The following GUCY2C variants were observed in gnomAD, a reference collection of about 807,000 sequenced individuals.
GUCY2C encodes guanylyl cyclase C.
GUCY2C carries 118 observed loss-of-function variants against 131.1 expected under a neutral mutation model. The observed-to-expected ratio is 0.90, with a 90% CI of 0.78 to 1.05. The LOEUF (loss-of-function observed/expected upper bound fraction) is 1.05. Ranked by LOEUF, GUCY2C falls within the 50% of genes least tolerant of loss-of-function variation. The probability of loss-of-function intolerance (pLI) is 0.00; values close to 1 mark genes in which losing one functional copy is unlikely to be tolerated. For missense variants in GUCY2C, 1,161 were observed against 1,304.4 expected (o/e 0.89, Z 1.69); for synonymous variants, 452 against 457.8 (o/e 0.99, Z 0.16).
At chr12:14,662,372 TG>T (rs1054270007) in intron 10 of GUCY2C, among the ~76,000 whole-genome samples, 2 of 151,900 alleles carry the variant, frequency 1.3e-5, no homozygotes, top group African/African-American at 4.8e-5. Context: ...AGGGAGACAT[TG>T]GGGCTATATA....
intron 5 of GUCY2C, among the ~76,000 whole-genome samples, chr12:14,680,956 A>G (rs574036000): frequency 3.3e-5 from 5 of 152,276 alleles, no homozygotes; most frequent in African/African-American, 9.6e-5. Context: ...CAATAAATTC[A>G]TCCTCTTGGT....
chr12:14,690,718 GT>G (rs1388656799), intron 1 of GUCY2C, among the ~76,000 whole-genome samples: 2 of 151,888 alleles, frequency 1.3e-5, no homozygotes, highest in Non-Finnish European at 2.9e-5. Context: ...ATTTTTTGTA[GT>G]TTTAGTAGAG....
At chr12:14,688,814 G>A (rs1251540863) in intron 1 of GUCY2C, among the ~76,000 whole-genome samples, 1 of 152,200 alleles carries the variant, frequency 6.6e-6, no homozygotes, top group Non-Finnish European at 1.5e-5. Flanking sequence ...TCTGGTCAGA[G>A]GGAACAGCAA....
At chr12:14,652,083 T>C in intron 13 of GUCY2C, 53 bp from the exon 14 acceptor site, 3 of 972,076 alleles carry the variant, frequency 3.1e-6, no homozygotes, top group East Asian at 2.4e-5. Context: ...ACTCTTTACA[T>C]GCATATTATA....
At chr12:14,694,029 A>G (rs1592153752) in intron 1 of GUCY2C, among the ~76,000 whole-genome samples, 1 of 152,348 alleles carries the variant, frequency 6.6e-6, no homozygotes, top group East Asian at 1.9e-4. Flanking sequence ...AGTTCTTACT[A>G]TGTTTCAGTC....
chr12:14,658,311 T>C (rs769533192), intron 11 of GUCY2C, among the ~76,000 whole-genome samples: 7 of 152,220 alleles, frequency 4.6e-5, no homozygotes, highest in Non-Finnish European at 8.8e-5. Flanking sequence ...ATCGTCATAT[T>C]TATGTATTTT....
intron 1 of GUCY2C, among the ~76,000 whole-genome samples, chr12:14,694,681 T>G (rs918435781): frequency 6.6e-6 from 1 of 152,220 alleles, no homozygotes; most frequent in Non-Finnish European, 1.5e-5. Flanking sequence ...TATGTGTGAA[T>G]CTAGTTTCAG....
At chr12:14,625,943 T>G in intron 20 of GUCY2C, 28 bp from the exon 21 acceptor site, 1 of 1,318,196 alleles carries the variant, frequency 7.6e-7, no homozygotes, top group South Asian at 1.2e-5. Context: ...TAAAGAGCTC[T>G]TATATATTAT....
intron 12 of GUCY2C, among the ~76,000 whole-genome samples, chr12:14,654,572 AC>A (rs1348146422): frequency 6.6e-6 from 1 of 152,186 alleles, no homozygotes; most frequent in African/African-American, 2.4e-5. Flanking sequence ...ACTAATCTGT[AC>A]TCATAAAAAT....
At chr12:14,628,871 A>G in intron 19 of GUCY2C, 134 bp from the exon 20 acceptor site, 1 of 625,096 alleles carries the variant, frequency 1.6e-6, no homozygotes, top group Admixed American at 2.7e-5. Context: ...TGCGGACAAG[A>G]GATCCCCAGC....
chr12:14,677,052 T>G, intron 6 of GUCY2C, 81 bp from the exon 7 acceptor site: 1 of 462,808 alleles, frequency 2.2e-6, no homozygotes, highest in Non-Finnish European at 4.0e-6. Flanking sequence ...AACTATACCA[T>G]CATCATTGAA....
In GUCY2C at chr12:14,660,969, AGGC is replaced by A; in HGVS notation, c.1364+9_1364+11del. On this transcript the variant is annotated intron_variant, in intron 11 of 26. Coordinates refer to ENST00000261170, the MANE Select transcript of GUCY2C (RefSeq NM_004963.4). The stretch of plus-strand genomic sequence containing the variant: ...TGGATACCGAACACAGGCATGATAG[AGGC>A]GGCTGTACCTGAGCATCAGGAGAGC... 1.3e-6 allele frequency: 2 copies of A among 1,581,214 alleles called. No individual in the cohort carries two copies. Among genetic ancestry groups the A allele is most frequent in the Non-Finnish European group, 1.7e-6 (2 of 1,149,970 alleles).
At chr12:14,680,908 CTT>C (rs1000557437) in intron 5 of GUCY2C, among the ~76,000 whole-genome samples, 2 of 152,116 alleles carry the variant, frequency 1.3e-5, no homozygotes, top group African/African-American at 4.8e-5. Context: ...GTGAGATAAT[CTT>C]TGCTTACGTT....
intron 12 of GUCY2C, among the ~76,000 whole-genome samples, chr12:14,653,739 C>T (rs1446613610): frequency 6.6e-6 from 1 of 152,114 alleles, no homozygotes; most frequent in Non-Finnish European, 1.5e-5. Flanking sequence ...GTGTTATTAT[C>T]TTTGTTAAAA....
At chr12:14,640,462 C>CAAAAAAA (rs3083859) in intron 18 of GUCY2C, among the ~76,000 whole-genome samples, 1 of 114,574 alleles carries the variant, frequency 8.7e-6, no homozygotes, top group Admixed American at 8.9e-5. Flanking sequence ...GACACTGTCT[C>CAAAAAAA]AAAAAAAAAA....
At chr12:14,641,061 C>T (rs1481757192) in intron 18 of GUCY2C, 21 bp downstream of exon 18, 1 of 1,611,604 alleles carries the variant, frequency 6.2e-7, no homozygotes, top group Non-Finnish European at 8.5e-7. Context: ...AGAGGGGACA[C>T]ATGAATGGGT....
chr12:14,693,446 A>G (rs1310139966), intron 1 of GUCY2C, among the ~76,000 whole-genome samples: 3 of 152,214 alleles, frequency 2.0e-5, no homozygotes, highest in Non-Finnish European at 2.9e-5. Context: ...ATGTTCTTCA[A>G]GACCCTCAAA....
intron 19 of GUCY2C, among the ~76,000 whole-genome samples, chr12:14,635,174 G>A (rs189242698): frequency 6.6e-6 from 1 of 152,102 alleles, no homozygotes; most frequent in Non-Finnish European, 1.5e-5. Context: ...CCTGTGATCA[G>A]CACATGGAAC....
At chr12:14,629,932 C>T (rs77028790) in intron 19 of GUCY2C, among the ~76,000 whole-genome samples, 5,713 of 151,976 alleles carry the variant, frequency 0.038, 354 homozygotes, top group African/African-American at 0.13. Flanking sequence ...ATAAGTATGT[C>T]GCAAATATTG....
Sources: gnomAD v4.1 joint callset for allele counts (sites outside exome capture counted in the v4.1 genomes callset) on GRCh38, gnomAD v4.1.1 for gene constraint, MANE v1.5 for transcripts, NCBI Gene and HGNC (gene_info 2026-07-23, HGNC 2026-07-21) for gene names.